CNBD1: variants seen among roughly 807,000 people sequenced by gnomAD.
CNBD1 encodes the protein cyclic nucleotide binding domain containing 1, also known as cyclic nucleotide-binding domain-containing protein 1.
Under a neutral mutation model 54.4 loss-of-function variants are expected in CNBD1, and 71 were observed. The ratio of observed to expected loss-of-function variants is 1.30; its 90% CI spans 1.08 to 1.59. The LOEUF is 1.59. Ranked by LOEUF, CNBD1 falls within the 40% of genes most tolerant of loss-of-function variation. The pLI is 0.00. For missense variants in CNBD1, 659 were observed against 518.0 expected (o/e 1.27, Z -2.64); for synonymous variants, 182 against 170.7 (o/e 1.07, Z -0.51).
chr8:86,956,061 T>C (rs571277600), intron 4 of CNBD1, among the ~76,000 whole-genome samples: 68 of 152,270 alleles, frequency 4.5e-4, no homozygotes, highest in African/African-American at 1.6e-3. Flanking sequence ...CTAGCCGGTT[T>C]TCCCAGCACC....
At chr8:87,186,906 T>C (rs1813486949) in intron 4 of CNBD1, among the ~76,000 whole-genome samples, 1 of 152,092 alleles carries the variant, frequency 6.6e-6, no homozygotes, top group African/African-American at 2.4e-5. Flanking sequence ...AGCTGATCTG[T>C]CGTAGCATTA....
chr8:86,965,596 G>T (rs1808052043), intron 4 of CNBD1, among the ~76,000 whole-genome samples: 1 of 152,146 alleles, frequency 6.6e-6, no homozygotes, highest in Admixed American at 6.5e-5. Context: ...AAAAAGGACA[G>T]AAAGCAAATT....
intron 8 of CNBD1, among the ~76,000 whole-genome samples, chr8:87,292,459 C>A (rs1372710035): frequency 6.6e-6 from 1 of 152,156 alleles, no homozygotes; most frequent in Non-Finnish European, 1.5e-5. Flanking sequence ...ATGCATGCGG[C>A]AAGCTTTCTA....
intron 10 of CNBD1, among the ~76,000 whole-genome samples, chr8:87,360,153 A>G (rs1243899541): frequency 4.6e-5 from 7 of 151,998 alleles, no homozygotes; most frequent in Admixed American, 1.3e-4. Context: ...CACTCACTGT[A>G]CCTGTACTTC....
At chr8:87,189,576 T>C (rs1384676242) in intron 4 of CNBD1, among the ~76,000 whole-genome samples, 1 of 152,124 alleles carries the variant, frequency 6.6e-6, no homozygotes, top group Non-Finnish European at 1.5e-5. Context: ...AAATTAGTAA[T>C]CTATTTTCTA....
intron 4 of CNBD1, among the ~76,000 whole-genome samples, chr8:87,056,724 AT>A (rs1412088117): frequency 6.6e-6 from 1 of 152,128 alleles, no homozygotes; most frequent in African/African-American, 2.4e-5. Context: ...ATATTGACTG[AT>A]TATATAATAC....
chr8:86,926,496 C>T (rs1809363409), intron 3 of CNBD1, among the ~76,000 whole-genome samples: 1 of 152,146 alleles, frequency 6.6e-6, no homozygotes, highest in African/African-American at 2.4e-5. Flanking sequence ...GCAAGTAATA[C>T]CAAGATGGCT....
chr8:86,936,390 T>A (rs1809548722), intron 3 of CNBD1, among the ~76,000 whole-genome samples: 1 of 152,160 alleles, frequency 6.6e-6, no homozygotes, highest in Admixed American at 6.5e-5. Flanking sequence ...ATACAAATGT[T>A]ATGTATTTTG....
chr8:86,874,137 TCAGA>T (rs1207040377), intron 1 of CNBD1, among the ~76,000 whole-genome samples: 2 of 152,204 alleles, frequency 1.3e-5, no homozygotes, highest in African/African-American at 2.4e-5. Flanking sequence ...TATTTTGAAA[TCAGA>T]CAGTGTGATA....
intron 8 of CNBD1, among the ~76,000 whole-genome samples, chr8:87,340,901 T>C: frequency 6.6e-6 from 1 of 152,086 alleles, no homozygotes; most frequent in Non-Finnish European, 1.5e-5. Flanking sequence ...GTTTCTGAAG[T>C]TTTATTTATT....
intron 4 of CNBD1, among the ~76,000 whole-genome samples, chr8:87,077,930 C>T (rs574860437): frequency 5.0e-4 from 76 of 152,208 alleles, no homozygotes; most frequent in African/African-American, 1.7e-3. Flanking sequence ...TGGGTATATA[C>T]CCACTAATGG....
intron 6 of CNBD1, among the ~76,000 whole-genome samples, chr8:87,249,304 T>C (rs190600712): frequency 1.3e-5 from 2 of 152,086 alleles, no homozygotes; most frequent in East Asian, 3.9e-4. Context: ...CCTCAGGAGG[T>C]AATACAAGTT....
intron 5 of CNBD1, among the ~76,000 whole-genome samples, chr8:87,220,518 A>AT (rs1814309235): frequency 1.0e-5 from 1 of 98,516 alleles, no homozygotes; most frequent in South Asian, 3.0e-4. Flanking sequence ...TTTTTTTTTC[A>AT]TTTTTTTGAT....
At chr8:86,949,498 C>T (rs992893157) in intron 4 of CNBD1, among the ~76,000 whole-genome samples, 15 of 151,932 alleles carry the variant, frequency 9.9e-5, no homozygotes, top group East Asian at 3.9e-4. Context: ...TAATTGTATT[C>T]GTGGCTATAG....
At chr8:87,412,161 C>T (rs144438869) in intron 2 of CNBD1, among the ~76,000 whole-genome samples, 1 of 152,084 alleles carries the variant, frequency 6.6e-6, no homozygotes, top group Non-Finnish European at 1.5e-5. Context: ...ATGCTGTTCT[C>T]CTTCATTTTG....
chr8:87,231,942 G>A (rs561272657), intron 5 of CNBD1, among the ~76,000 whole-genome samples: 8 of 152,112 alleles, frequency 5.3e-5, no homozygotes, highest in Non-Finnish European at 1.2e-4. Context: ...TCCCATAGGG[G>A]CAATGGCTCT....
At chr8:86,991,424 G>A (rs1020026092) in intron 4 of CNBD1, among the ~76,000 whole-genome samples, 8 of 151,384 alleles carry the variant, frequency 5.3e-5, no homozygotes, top group Non-Finnish European at 1.2e-4. Context: ...TGTTAATCTA[G>A]TTAGTGCTCT....
chr8:87,324,752 AG>A (rs1809631894), intron 8 of CNBD1, among the ~76,000 whole-genome samples: 1 of 148,908 alleles, frequency 6.7e-6, no homozygotes, highest in Non-Finnish European at 1.5e-5. Flanking sequence ...TCAAAAAACC[AG>A]CTCCTGGATT....
At chr8:87,357,032 G>A (rs1310490925) in intron 10 of CNBD1, among the ~76,000 whole-genome samples, 1 of 152,198 alleles carries the variant, frequency 6.6e-6, no homozygotes, top group Non-Finnish European at 1.5e-5. Context: ...TAAGCTATAA[G>A]CCTTTGTGGC....
Sources: allele counts gnomAD v4.1 joint callset (sites outside exome capture counted in the v4.1 genomes callset), GRCh38; gene constraint gnomAD v4.1.1; transcripts MANE v1.5; gene names NCBI Gene and HGNC (gene_info 2026-07-23, HGNC 2026-07-21).